The following PDE4D variants were observed in gnomAD, a reference collection of about 807,000 sequenced individuals.
PDE4D encodes the protein 3',5'-cyclic-AMP phosphodiesterase 4D.
A neutral mutation model predicts 87.4 loss-of-function variants in PDE4D; 24 were observed. The ratio of observed to expected loss-of-function variants is 0.27; its 90% CI spans 0.20 to 0.39. The LOEUF (loss-of-function observed/expected upper bound fraction) is 0.39. Among genes scored for constraint, PDE4D ranks in the 10% least tolerant of loss-of-function variants. The pLI is 1.00. For missense variants in PDE4D, 714 were observed against 1,041.0 expected (o/e 0.69, Z 4.32); for synonymous variants, 384 against 383.2 (o/e 1.00, Z -0.02).
At chr5:59,864,858 A>T (rs116093921) in intron 1 of PDE4D, among the ~76,000 whole-genome samples, 2 of 152,128 alleles carry the variant, frequency 1.3e-5, no homozygotes, top group Non-Finnish European at 2.9e-5. Flanking sequence ...AGGCTGATAC[A>T]TGATGTCACT....
intron 1 of PDE4D, chr5:59,275,345 C>A (rs760505824): frequency 1.3e-6 from 2 of 1,595,612 alleles, no homozygotes; most frequent in East Asian, 4.5e-5. Flanking sequence ...TACCAAACTG[C>A]CTCTGCAGTC....
intron 5 of PDE4D, among the ~76,000 whole-genome samples, chr5:59,172,146 ATAT>A (rs1442032344): frequency 2.1e-5 from 2 of 97,390 alleles, no homozygotes; most frequent in East Asian, 5.3e-4. Context: ...TAAATATATA[ATAT>A]TATATATATT....
intron 1 of PDE4D, among the ~76,000 whole-genome samples, chr5:59,569,985 T>C (rs1368307858): frequency 2.0e-5 from 3 of 152,240 alleles, no homozygotes; most frequent in African/African-American, 7.2e-5. Context: ...ATATTTTACC[T>C]TCAAAACTGT....
intron 5 of PDE4D, among the ~76,000 whole-genome samples, chr5:59,144,748 T>C (rs1162073804): frequency 6.6e-6 from 1 of 152,176 alleles, no homozygotes; most frequent in East Asian, 1.9e-4. Flanking sequence ...GGATTTAATA[T>C]ACATTGCTTA....
At chr5:59,514,299 G>C (rs1387029409) in intron 1 of PDE4D, among the ~76,000 whole-genome samples, 1 of 151,940 alleles carries the variant, frequency 6.6e-6, no homozygotes, top group Admixed American at 6.6e-5. Flanking sequence ...TAGAGACAGG[G>C]TTTCACCGTG....
At chr5:60,332,676 T>C (rs1757409010) in intron 1 of PDE4D, among the ~76,000 whole-genome samples, 1 of 152,214 alleles carries the variant, frequency 6.6e-6, no homozygotes, top group South Asian at 2.1e-4. Context: ...CCAAAATATA[T>C]TCACTCAAAT....
At chr5:59,706,082 T>C (rs1183267764) in intron 1 of PDE4D, among the ~76,000 whole-genome samples, 2 of 152,194 alleles carry the variant, frequency 1.3e-5, no homozygotes, top group Non-Finnish European at 2.9e-5. Flanking sequence ...GATTTTTTTA[T>C]GTTTTCAAGA....
intron 1 of PDE4D, among the ~76,000 whole-genome samples, chr5:59,551,029 T>C (rs1818030312): frequency 6.6e-6 from 1 of 152,124 alleles, no homozygotes; most frequent in Admixed American, 6.6e-5. Context: ...TTAAAGTCAA[T>C]GTCTCTTTAG....
intron 1 of PDE4D, among the ~76,000 whole-genome samples, chr5:59,335,158 A>G (rs1275671982): frequency 6.6e-6 from 1 of 152,192 alleles, no homozygotes; most frequent in Non-Finnish European, 1.5e-5. Context: ...AAGGCTCATG[A>G]CAGCAGGAAC....
At chr5:59,154,338 T>C (rs898224442) in intron 5 of PDE4D, among the ~76,000 whole-genome samples, 1 of 152,236 alleles carries the variant, frequency 6.6e-6, no homozygotes, top group South Asian at 2.1e-4. Context: ...TGTCTGTGGG[T>C]GTATCAATAA....
chr5:60,118,561 T>TTGTGTGTG (rs34503506), intron 2 of PDE4D, among the ~76,000 whole-genome samples: 5,141 of 144,226 alleles, frequency 0.036, 123 homozygotes, highest in African/African-American at 0.053. Flanking sequence ...TGGATGTAGG[T>TTGTGTGTG]TGTGTGTGTG....
chr5:59,496,185 C>T (rs1250092704), intron 1 of PDE4D, among the ~76,000 whole-genome samples: 24 of 152,090 alleles, frequency 1.6e-4, no homozygotes, highest in Admixed American at 1.5e-3. Flanking sequence ...GACCAAACTC[C>T]GCGTCATTCC....
intron 5 of PDE4D, among the ~76,000 whole-genome samples, chr5:59,064,071 G>GA (rs989836002): frequency 2.6e-5 from 4 of 151,010 alleles, no homozygotes; most frequent in East Asian, 2.0e-4. Flanking sequence ...AAAAAAATGA[G>GA]AAAAAAATAT....
At chr5:60,309,705 G>A (rs1000163753) in intron 1 of PDE4D, among the ~76,000 whole-genome samples, 12 of 152,290 alleles carry the variant, frequency 7.9e-5, no homozygotes, top group African/African-American at 2.9e-4. Flanking sequence ...ATCTACAGAT[G>A]AAAACATCAG....
At chr5:60,420,113 G>A (rs1023731628) in intron 1 of PDE4D, among the ~76,000 whole-genome samples, 10 of 152,154 alleles carry the variant, frequency 6.6e-5, no homozygotes, top group Admixed American at 3.3e-4. Context: ...AAATAGTGGA[G>A]GTCAAGTAAT....
chr5:59,479,604 CA>C (rs1386363639), intron 1 of PDE4D, among the ~76,000 whole-genome samples: 1 of 89,406 alleles, frequency 1.1e-5, no homozygotes, highest in Non-Finnish European at 2.2e-5. Flanking sequence ...AACTTTAAAA[CA>C]AACAGAATAG....
chr5:59,217,231 C>T, intron 1 of PDE4D: 1 of 455,808 alleles, frequency 2.2e-6, no homozygotes, highest in Non-Finnish European at 4.4e-6. Context: ...TTATGATAGC[C>T]CAGCAGGTGT....
At chr5:60,041,607 C>A (rs191755780) in intron 2 of PDE4D, among the ~76,000 whole-genome samples, 47 of 152,200 alleles carry the variant, frequency 3.1e-4, no homozygotes, top group African/African-American at 1.0e-3. Context: ...ATACCCAGCT[C>A]ATCTCATTGG....
Position 59,428,313 on chromosome 5 carries a change from T to A in PDE4D, c.456-212345A>T, listed in dbSNP as rs187604062. 3.3e-3 allele frequency among the ~76,000 whole-genome samples: 505 copies of A among 152,272 alleles called. 1 individual carries two copies. The highest frequency in any genetic ancestry group is 0.011 in the African/African-American group (477 of 41,560). On this transcript the variant is annotated intron_variant, in intron 1 of 14. Coordinates refer to ENST00000340635, the MANE Select transcript of PDE4D (RefSeq NM_001104631.2). Reference sequence around the variant, plus strand: ...CTATGGATTTTCGTGAAAAGCCAATTTTTTTTATCTTTTATTTTTTGTCCC... The same window carrying A: ...CTATGGATTTTCGTGAAAAGCCAATATTTTTTATCTTTTATTTTTTGTCCC...
Sources: allele counts gnomAD v4.1 joint callset (sites outside exome capture counted in the v4.1 genomes callset), GRCh38; gene constraint gnomAD v4.1.1; transcripts MANE v1.5; gene names NCBI Gene and HGNC (gene_info 2026-07-23, HGNC 2026-07-21).